XKR4: variants seen among roughly 807,000 people sequenced by gnomAD.
The protein encoded by XKR4 is XK-related protein 4.
In XKR4, 12 loss-of-function variants were observed where a neutral mutation model predicts 53.9. The observed-to-expected ratio is 0.22, with a 90% confidence interval of 0.14 to 0.36. XKR4 has a LOEUF of 0.36. Among genes scored for constraint, XKR4 ranks in the 10% least tolerant of loss-of-function variants. The pLI is 1.00. For synonymous variants in XKR4, 354 were observed against 362.4 expected (o/e 0.98, Z 0.26); for missense variants, 799 against 859.5 (o/e 0.93, Z 0.88).
chr8:55,386,208 C>T (rs1023440229), intron 2 of XKR4, among the ~76,000 whole-genome samples: 3 of 152,156 alleles, frequency 2.0e-5, no homozygotes, highest in African/African-American at 7.2e-5. Context: ...GGAGCCCTTC[C>T]TGGGATCAGG....
At chr8:55,335,193 A>T (rs757386436) in intron 1 of XKR4, among the ~76,000 whole-genome samples, 1 of 152,230 alleles carries the variant, frequency 6.6e-6, no homozygotes, top group Non-Finnish European at 1.5e-5. Flanking sequence ...AATAAAGTTA[A>T]CAACTATATT....
chr8:55,506,846 G>A (rs1256978328), intron 2 of XKR4, among the ~76,000 whole-genome samples: 1 of 152,240 alleles, frequency 6.6e-6, no homozygotes, highest in Non-Finnish European at 1.5e-5. Context: ...AAAATGCAGT[G>A]ACTATGCTGG....
At chr8:55,474,318 G>C (rs1454384962) in intron 2 of XKR4, among the ~76,000 whole-genome samples, 1 of 152,080 alleles carries the variant, frequency 6.6e-6, no homozygotes, top group African/African-American at 2.4e-5. Flanking sequence ...AATTTTTATA[G>C]TTGTGACTAA....
intron 2 of XKR4, among the ~76,000 whole-genome samples, chr8:55,441,363 C>T (rs1039161073): frequency 1.3e-5 from 2 of 151,816 alleles, no homozygotes; most frequent in Admixed American, 1.3e-4. Context: ...TAATAATATA[C>T]CAACAAAATA....
chr8:55,287,365 T>A (rs1818921994), intron 1 of XKR4, among the ~76,000 whole-genome samples: 1 of 152,180 alleles, frequency 6.6e-6, no homozygotes, highest in Non-Finnish European at 1.5e-5. Flanking sequence ...TCAATTTAAA[T>A]CTAAGCACAT....
At chr8:55,451,729 CG>C in intron 2 of XKR4, 1 of 1,240,568 alleles carries the variant, frequency 8.1e-7, no homozygotes, top group Admixed American at 1.7e-5. Flanking sequence ...CAGAGAAATG[CG>C]GAAGGATTCA....
chr8:55,446,522 G>A (rs571097921), intron 2 of XKR4, among the ~76,000 whole-genome samples: 4 of 152,136 alleles, frequency 2.6e-5, no homozygotes, highest in African/African-American at 9.6e-5. Context: ...TTTTGTTGCT[G>A]TATTTTAGTA....
Position 55,315,939 on chromosome 8 carries a change from A to T in XKR4, c.807-41739A>T, listed in dbSNP as rs562023966. Reference sequence around the variant, plus strand: ...TCATGATTTAGTGTGATTTGAGCTAAAGGCAAGAAGACTCACTAATGAATC... The same window carrying T: ...TCATGATTTAGTGTGATTTGAGCTATAGGCAAGAAGACTCACTAATGAATC... On this transcript the variant is annotated intron_variant, in intron 1 of 2. Coordinates refer to ENST00000327381, the MANE Select transcript of XKR4 (RefSeq NM_052898.2). Among the ~76,000 whole-genome samples, 4 of 152,260 alleles carry T rather than the reference A, an allele frequency of 2.6e-5. No individual in the cohort carries two copies. In the East Asian group the frequency reaches 7.7e-4, roughly 29 times the overall value.
At chr8:55,211,455 A>T (rs963482970) in intron 1 of XKR4, among the ~76,000 whole-genome samples, 1 of 152,224 alleles carries the variant, frequency 6.6e-6, no homozygotes, top group Non-Finnish European at 1.5e-5. Flanking sequence ...GGAATGTCCT[A>T]CGTTAGGAAG....
chr8:55,105,649 A>C (rs116940509), intron 1 of XKR4, among the ~76,000 whole-genome samples: 2,432 of 152,352 alleles, frequency 0.016, 28 homozygotes, highest in Middle Eastern at 0.048. Flanking sequence ...TTGAATTATC[A>C]TCTAATCTAA....
chr8:55,354,957 G>A (rs117636904), intron 1 of XKR4, among the ~76,000 whole-genome samples: 365 of 150,460 alleles, frequency 2.4e-3, no homozygotes, highest in Non-Finnish European at 3.8e-3. Context: ...AGGATGGAGC[G>A]CAATGACATG....
At chr8:55,129,997 C>T (rs138726018) in intron 1 of XKR4, among the ~76,000 whole-genome samples, 126 of 152,134 alleles carry the variant, frequency 8.3e-4, no homozygotes, top group African/African-American at 2.7e-3. Context: ...CAAGGCTATC[C>T]GCGGAGGTGT....
chr8:55,140,093 T>C, intron 1 of XKR4: 1 of 412,628 alleles, frequency 2.4e-6, no homozygotes, highest in Non-Finnish European at 4.8e-6. Context: ...ACAGTACCTC[T>C]TAAGAGTTTA....
chr8:55,312,177 TCTGA>T (rs1252146177), intron 1 of XKR4, among the ~76,000 whole-genome samples: 1 of 137,664 alleles, frequency 7.3e-6, no homozygotes, highest in Non-Finnish European at 1.5e-5. Context: ...CTTTATTCAC[TCTGA>T]CTCTGTTTTT....
chr8:55,187,197 G>A (rs1236505582), intron 1 of XKR4, among the ~76,000 whole-genome samples: 1 of 149,856 alleles, frequency 6.7e-6, no homozygotes, highest in East Asian at 2.0e-4. Context: ...ATCACTTGCT[G>A]TAGTGTTTCT....
chr8:55,496,508 T>C (rs1806351467), intron 2 of XKR4, among the ~76,000 whole-genome samples: 1 of 152,324 alleles, frequency 6.6e-6, no homozygotes, highest in African/African-American at 2.4e-5. Context: ...ATCTAAAAAT[T>C]AGGGCATTGA....
intron 1 of XKR4, among the ~76,000 whole-genome samples, chr8:55,229,350 A>G (rs1483986126): frequency 6.6e-6 from 1 of 152,198 alleles, no homozygotes; most frequent in East Asian, 1.9e-4. Context: ...GGAGACGCAG[A>G]GCTGACGCAG....
At chr8:55,175,430 C>G (rs963954039) in intron 1 of XKR4, among the ~76,000 whole-genome samples, 1 of 152,146 alleles carries the variant, frequency 6.6e-6, no homozygotes, top group Non-Finnish European at 1.5e-5. Flanking sequence ...TTAAGAGATG[C>G]AGTCACTTGA....
intron 1 of XKR4, among the ~76,000 whole-genome samples, chr8:55,184,103 TTAGCCTA>T (rs1206113750): frequency 2.6e-5 from 4 of 152,212 alleles, no homozygotes; most frequent in Admixed American, 2.6e-4. Flanking sequence ...TAGCCCATAT[TTAGCCTA>T]TAGCAATATA....
Sources: allele counts gnomAD v4.1 joint callset (sites outside exome capture counted in the v4.1 genomes callset), GRCh38; gene constraint gnomAD v4.1.1; transcripts MANE v1.5; gene names NCBI Gene and HGNC (gene_info 2026-07-23, HGNC 2026-07-21).